Variants in CCDC77 observed in about 807,000 individuals in gnomAD.
The protein encoded by CCDC77 is coiled-coil domain containing 77, also known as coiled-coil domain-containing protein 77.
In CCDC77, 56 loss-of-function variants were observed where a neutral mutation model predicts 66.8. The ratio of observed to expected loss-of-function variants is 0.84; its 90% CI spans 0.68 to 1.05. The LOEUF (loss-of-function observed/expected upper bound fraction) is 1.05. Among genes scored for constraint, CCDC77 ranks in the 50% least tolerant of loss-of-function variants. The pLI, the probability that CCDC77 is intolerant of heterozygous loss-of-function variation, is 0.00. For synonymous variants in CCDC77, 196 were observed against 195.2 expected (o/e 1.00, Z -0.03); for missense variants, 570 against 576.8 (o/e 0.99, Z 0.12).
At position 411,851 on chromosome 12, in the gene CCDC77, G is replaced by C. The variant is rs200513629; in HGVS notation, c.143G>C (p.Arg48Pro). ...ACCCCCTTGCCTTCCCCCGAAGATC[G>C]TCTGGCCAAACTCCATCCTTCTAAG... is the stretch of plus-strand genomic sequence containing the variant. Reference protein sequence around the residue: ...ESTPLPSPEDRLAKLHPSKEL... With the variant: ...ESTPLPSPEDPLAKLHPSKEL... Residue 48 changes from arginine (R) to proline (P), a missense_variant, in exon 4 of 13, where the codon CGT (arginine) becomes CCT (proline). Transcript: ENST00000239830. The C allele has an allele frequency of 6.2e-7, 1 of 1,613,994 alleles. No homozygotes were observed. Among genetic ancestry groups the C allele is most frequent in the African/African-American group, 1.3e-5 (1 of 74,974 alleles).
upstream of CCDC77, among the ~76,000 whole-genome samples, chr12:398,137 TATTG>T (rs1173708386): frequency 6.6e-6 from 1 of 152,188 alleles, no homozygotes; most frequent in African/African-American, 2.4e-5. Flanking sequence ...CCTTTCATGA[TATTG>T]ATTGATTCTT....
rs188589828 is a variant in CCDC77, at chr12:434,446, A to G, written c.821+1124A>G. Among the ~76,000 whole-genome samples, 24 of 149,096 alleles carry G rather than the reference A, an allele frequency of 1.6e-4. 1 individual carries two copies. Among genetic ancestry groups the G allele is most frequent in the Admixed American group, 1.6e-3 (23 of 14,702 alleles). ...CGGTTCCCTGCAACCGCTGCCTCCC[A>G]GGTTCAAGCGATTCTCCTGCCTCAG... On this transcript the variant is annotated intron_variant, in intron 9 of 12. Coordinates refer to ENST00000239830, the MANE Select transcript of CCDC77 (RefSeq NM_032358.4).
At chr12:423,472 T>TTTTG (rs1565572144) in intron 5 of CCDC77, among the ~76,000 whole-genome samples, 2 of 76,970 alleles carry the variant, frequency 2.6e-5, no homozygotes, top group African/African-American at 1.7e-4. Context: ...TTTTTTGTGT[T>TTTTG]TTTTGTGTTT....
At chr12:415,306 A>ATATTATGTTAATATTATTAACATAT (rs1945207120) in intron 4 of CCDC77, among the ~76,000 whole-genome samples, 1 of 100,304 alleles carries the variant, frequency 1.0e-5, no homozygotes, top group Non-Finnish European at 1.9e-5. Context: ...AATCAACATA[A>ATATTATGTTAATATTATTAACATAT]TATTATGTTA....
At chr12:441,664 C>T in intron 12 of CCDC77, 110 bp from the exon 13 acceptor site, 2 of 1,162,434 alleles carry the variant, frequency 1.7e-6, no homozygotes, top group Non-Finnish European at 2.4e-6. Flanking sequence ...ATCCTATGTA[C>T]TCAAAATCTC....
chr12:438,629 T>A, intron 10 of CCDC77, 75 bp downstream of exon 10: 1 of 1,146,060 alleles, frequency 8.7e-7, no homozygotes, highest in South Asian at 1.5e-5. Flanking sequence ...ACCTACAATT[T>A]GTAATGTAAG....
chr12:416,419 CTTT>C lies in CCDC77; in HGVS notation c.271-2063_271-2061del, dbSNP rs57980606. Among the ~76,000 whole-genome samples, 6 of 55,202 alleles carry C rather than the reference CTTT, an allele frequency of 1.1e-4. 1 individual carries two copies. The highest frequency in any genetic ancestry group is 4.8e-4 in the East Asian group (1 of 2,074). The allele number at this position is 55,202 out of a possible 152,430, so 36.2% of individuals were successfully genotyped here. On this transcript the variant is annotated intron_variant, in intron 4 of 12. Transcript: ENST00000239830. ...TATATATATATATATATATATATTT[CTTT>C]TTTTTTTTTTTGGAGGCAGTCTGGC...
chr12:412,272 A>G (rs1436580756), intron 4 of CCDC77, among the ~76,000 whole-genome samples: 2 of 152,066 alleles, frequency 1.3e-5, no homozygotes, highest in Non-Finnish European at 1.5e-5. Context: ...CTGACTTTTC[A>G]GTTTTCTGAG....
At chr12:429,229 A>G (rs2137599890) in intron 6 of CCDC77, among the ~76,000 whole-genome samples, 1 of 152,330 alleles carries the variant, frequency 6.6e-6, no homozygotes, top group South Asian at 2.1e-4. Context: ...AACACAGAGT[A>G]TAGTAATCTA....
intron 9 of CCDC77, among the ~76,000 whole-genome samples, chr12:436,418 G>T (rs1591993581): frequency 6.6e-6 from 1 of 151,888 alleles, no homozygotes; most frequent in Non-Finnish European, 1.5e-5. Flanking sequence ...TAGAGACAGG[G>T]TTTCACCATG....
chr12:394,236 T>C (rs1203841000), intron 1 of CCDC77, among the ~76,000 whole-genome samples: 1 of 152,244 alleles, frequency 6.6e-6, no homozygotes, highest in Non-Finnish European at 1.5e-5. Flanking sequence ...GTTGAGCTGG[T>C]ATTATTTCCT....
chr12:426,080 G>A (rs527689310), intron 5 of CCDC77, among the ~76,000 whole-genome samples: 1 of 152,284 alleles, frequency 6.6e-6, no homozygotes, highest in Admixed American at 6.5e-5. Flanking sequence ...GGACAGGCTG[G>A]TCTCGAACTC....
chr12:429,575 C>T (rs1591987881), intron 6 of CCDC77, among the ~76,000 whole-genome samples: 1 of 151,832 alleles, frequency 6.6e-6, no homozygotes, highest in Non-Finnish European at 1.5e-5. Flanking sequence ...CCTCCCACCT[C>T]AGCCTCCCAA....
At chr12:397,807 C>T (rs1034125918), upstream of CCDC77, among the ~76,000 whole-genome samples, 8 of 152,036 alleles carry the variant, frequency 5.3e-5, no homozygotes, top group South Asian at 4.2e-4. Flanking sequence ...CCACCACGCC[C>T]GGCTAATTTT....
chr12:425,603 T>A (rs1945513962), intron 5 of CCDC77, among the ~76,000 whole-genome samples: 1 of 151,938 alleles, frequency 6.6e-6, no homozygotes, highest in East Asian at 1.9e-4. Context: ...TTGTGCTTCC[T>A]TCTTGGTGGT....
Position 442,384 on chromosome 12 carries a change from G to A in CCDC77, c.*464G>A, listed in dbSNP as rs1048466. ...CACAACCTGTCACATTGAAATAGGC[G>A]CTCATTCTGCTATTTCACCTTCCGT... On this transcript the variant is annotated 3_prime_UTR_variant, in exon 13 of 13. Transcript: ENST00000239830. The A allele has an allele frequency of 0.25, 37,760 of 153,304 alleles. 4,911 individuals carry two copies. The highest frequency in any genetic ancestry group is 0.31 in the East Asian group (1,589 of 5,184). 9.5% of individuals were successfully genotyped at this position (153,304 alleles called of 1,614,324 possible).
chr12:396,807 G>A (rs181508425), upstream of CCDC77, among the ~76,000 whole-genome samples: 2 of 152,178 alleles, frequency 1.3e-5, no homozygotes, highest in African/African-American at 4.8e-5. Flanking sequence ...AGACAAATGG[G>A]GTCAGATAGC....
chr12:423,502 T>TG (rs1945471976), intron 5 of CCDC77, among the ~76,000 whole-genome samples: 1 of 100,704 alleles, frequency 9.9e-6, no homozygotes, highest in Non-Finnish European at 1.9e-5. Flanking sequence ...TTGTTTTTTT[T>TG]TTTTTTTTTT....
At chr12:405,936 T>A (rs1302918341) in intron 2 of CCDC77, among the ~76,000 whole-genome samples, 2 of 120,800 alleles carry the variant, frequency 1.7e-5, no homozygotes, top group Non-Finnish European at 1.8e-5. Context: ...TTTTTTTTTT[T>A]AAGAGAGGGT....
Sources: allele counts gnomAD v4.1 joint callset (sites outside exome capture counted in the v4.1 genomes callset), GRCh38; gene constraint gnomAD v4.1.1; transcripts MANE v1.5; gene names NCBI Gene and HGNC (gene_info 2026-07-23, HGNC 2026-07-21).